Variants in AJAP1 observed in about 807,000 individuals in gnomAD.
The protein encoded by AJAP1 is adherens junction-associated protein 1.
A neutral mutation model predicts 35.0 loss-of-function variants in AJAP1; 5 were observed. The ratio of observed to expected loss-of-function variants is 0.14; its 90% CI spans 0.07 to 0.30. The LOEUF is 0.30. Ranked by LOEUF, AJAP1 falls within the 10% of genes least tolerant of loss-of-function variation. AJAP1 has a pLI of 1.00. For missense variants in AJAP1, 586 were observed against 571.0 expected (o/e 1.03, Z -0.27); for synonymous variants, 284 against 249.3 (o/e 1.14, Z -1.31).
chr1:4,700,704 C>T (rs1034030178), intron 1 of AJAP1, among the ~76,000 whole-genome samples: 12 of 152,300 alleles, frequency 7.9e-5, no homozygotes, highest in East Asian at 1.9e-4. Context: ...TGTCCGCACA[C>T]GCAGGGGAAG....
At chr1:4,779,310 G>A (rs1430920037) in intron 5 of AJAP1, among the ~76,000 whole-genome samples, 2 of 152,070 alleles carry the variant, frequency 1.3e-5, no homozygotes, top group African/African-American at 4.8e-5. Context: ...AGCATGGGAA[G>A]TGCAGGAGGC....
At chr1:4,757,092 G>A (rs538154930) in intron 2 of AJAP1, among the ~76,000 whole-genome samples, 41 of 152,330 alleles carry the variant, frequency 2.7e-4, no homozygotes, top group Admixed American at 5.2e-4. Flanking sequence ...GAGCCCGAGC[G>A]AGGCTGGGAG....
chr1:4,783,487 A>ATATG lies in AJAP1; in HGVS notation c.*1005_*1006insGTAT, dbSNP rs1642107897. 1 of 134,592 alleles carries ATATG rather than the reference A, an allele frequency of 7.4e-6. No homozygotes were observed. Among genetic ancestry groups the ATATG allele is most frequent in the Admixed American group, 7.4e-5 (1 of 13,506 alleles). 8.3% of individuals were successfully genotyped at this position (134,592 alleles called of 1,614,324 possible). ...TATGTGTGTGTATATATATATATAT[A>ATATG]TATATATATATATATATATATATGT... On this transcript the variant is annotated 3_prime_UTR_variant, in exon 6 of 6. Coordinates refer to ENST00000378191, the MANE Select transcript of AJAP1 (RefSeq NM_018836.4).
chr1:4,686,577 G>A (rs922833118), intron 1 of AJAP1, among the ~76,000 whole-genome samples: 1 of 152,214 alleles, frequency 6.6e-6, no homozygotes, highest in African/African-American at 2.4e-5. Flanking sequence ...CTGCGGGAGC[G>A]CATAAGCCCA....
intron 2 of AJAP1, among the ~76,000 whole-genome samples, chr1:4,766,625 C>A (rs1005197873): frequency 2.0e-5 from 3 of 152,130 alleles, no homozygotes; most frequent in Admixed American, 1.3e-4. Flanking sequence ...GCCCAGGAGC[C>A]CATTGAAACC....
chr1:4,773,981 G>C (rs1641893182), intron 4 of AJAP1, among the ~76,000 whole-genome samples: 1 of 152,194 alleles, frequency 6.6e-6, no homozygotes, highest in African/African-American at 2.4e-5. Flanking sequence ...CATTGGCCTT[G>C]GGAAATGGTA....
At chr1:4,704,805 C>G (rs1640064903) in intron 1 of AJAP1, among the ~76,000 whole-genome samples, 1 of 152,174 alleles carries the variant, frequency 6.6e-6, no homozygotes, top group Non-Finnish European at 1.5e-5. Flanking sequence ...TCTCCACATC[C>G]TCTCCAGCAC....
chr1:4,716,988 C>T (rs138139807), intron 2 of AJAP1, among the ~76,000 whole-genome samples: 61 of 152,286 alleles, frequency 4.0e-4, no homozygotes, highest in Non-Finnish European at 6.6e-4. Context: ...TCCAGCCTCA[C>T]GTGAGCACTG....
At chr1:4,769,198 A>G (rs1339050096) in intron 2 of AJAP1, among the ~76,000 whole-genome samples, 1 of 152,214 alleles carries the variant, frequency 6.6e-6, no homozygotes, top group African/African-American at 2.4e-5. Context: ...TGTGGGAAGC[A>G]TCCGCTGCTG....
chr1:4,780,676 G>T, intron 5 of AJAP1, among the ~76,000 whole-genome samples: 1 of 139,736 alleles, frequency 7.2e-6, no homozygotes, highest in Admixed American at 7.8e-5. Flanking sequence ...CTGTTGCCCA[G>T]GCTGGAGTGT....
intron 2 of AJAP1, among the ~76,000 whole-genome samples, chr1:4,724,526 C>A (rs1640605496): frequency 6.6e-6 from 1 of 152,124 alleles, no homozygotes; most frequent in African/African-American, 2.4e-5. Flanking sequence ...CTTGCACTTG[C>A]CCAGAGGTGG....
At chr1:4,733,283 G>A (rs1035869059) in intron 2 of AJAP1, among the ~76,000 whole-genome samples, 3 of 151,892 alleles carry the variant, frequency 2.0e-5, no homozygotes, top group Non-Finnish European at 2.9e-5. Context: ...ACGGGGAGCC[G>A]TGGGTCTGTG....
At chr1:4,673,460 G>A (rs907993829) in intron 1 of AJAP1, among the ~76,000 whole-genome samples, 4 of 152,058 alleles carry the variant, frequency 2.6e-5, no homozygotes, top group African/African-American at 9.7e-5. Flanking sequence ...TCCAAAATTA[G>A]TGTTGGGACA....
intron 2 of AJAP1, among the ~76,000 whole-genome samples, chr1:4,735,947 G>A (rs781486204): frequency 3.3e-4 from 50 of 152,236 alleles, no homozygotes; most frequent in Non-Finnish European, 6.3e-4. Context: ...GGGGAGCAGA[G>A]CTTAGAGGAA....
chr1:4,679,830 TG>T, intron 1 of AJAP1, among the ~76,000 whole-genome samples: 2 of 151,186 alleles, frequency 1.3e-5, no homozygotes, highest in South Asian at 4.3e-4. Flanking sequence ...TGTGTGTGTG[TG>T]TGTGTGTGTG....
chr1:4,705,550 G>A (rs1014147545), intron 1 of AJAP1, among the ~76,000 whole-genome samples: 1 of 151,638 alleles, frequency 6.6e-6, no homozygotes, highest in Non-Finnish European at 1.5e-5. Context: ...CCTGGCAAAT[G>A]CTATTCAAGG....
In AJAP1 at chr1:4,772,346, C is replaced by T. The variant is rs1343460920; in HGVS notation, c.984C>T (p.Ser328=). ...HQRKTNQQEE[S]CQNLTDFPSA... ...GGAAGACCAACCAGCAGGAGGAGAG[C>T]TGCCAGAACCTCACGGACTTCCCCT... is the stretch of plus-strand genomic sequence containing the variant. Residue 328 remains serine, a synonymous_variant, in exon 4 of 6, where the codon AGC becomes AGT. Transcript: ENST00000378191. 6.2e-7 allele frequency: 1 copy of T among 1,614,228 alleles called. No homozygotes were observed.
intron 2 of AJAP1, among the ~76,000 whole-genome samples, chr1:4,765,427 C>A (rs574034707): frequency 9.2e-5 from 14 of 151,762 alleles, no homozygotes; most frequent in Non-Finnish European, 1.8e-4. Flanking sequence ...AGCTAATAGC[C>A]ACCAGAGACT....
intron 2 of AJAP1, among the ~76,000 whole-genome samples, chr1:4,767,037 C>T (rs1225741040): frequency 6.6e-6 from 1 of 152,104 alleles, no homozygotes; most frequent in Non-Finnish European, 1.5e-5. Context: ...GCACCCTTCA[C>T]GTTTTAATGT....
Sources: gnomAD v4.1 joint callset for allele counts (sites outside exome capture counted in the v4.1 genomes callset) on GRCh38, gnomAD v4.1.1 for gene constraint, MANE v1.5 for transcripts, NCBI Gene and HGNC (gene_info 2026-07-23, HGNC 2026-07-21) for gene names.